The following CELF1 variants were observed in gnomAD, a reference collection of about 807,000 sequenced individuals.
CELF1 encodes CUGBP Elav-like family member 1.
In CELF1, 10 loss-of-function variants were observed where a neutral mutation model predicts 61.8. The ratio of observed to expected loss-of-function variants is 0.16; its 90% CI spans 0.10 to 0.27. CELF1 has a LOEUF of 0.27. Among genes scored for constraint, CELF1 ranks in the 10% least tolerant of loss-of-function variants. The pLI, the probability that CELF1 is intolerant of heterozygous loss-of-function variation, is 1.00. For missense variants in CELF1, 380 were observed against 639.1 expected, an observed-to-expected ratio of 0.59 and a Z score of 4.37; for synonymous variants, 236 against 225.1, an observed-to-expected ratio of 1.05 and a Z score of -0.43.
intron 1 of CELF1, among the ~76,000 whole-genome samples, chr11:47,501,643 C>T (rs2093912864): frequency 6.6e-6 from 1 of 151,844 alleles, no homozygotes; most frequent in South Asian, 2.1e-4. Context: ...AGTGAAACCC[C>T]ATCTCTACTA....
intron 1 of CELF1, among the ~76,000 whole-genome samples, chr11:47,507,445 C>A (rs1200820566): frequency 1.3e-5 from 2 of 151,052 alleles, no homozygotes; most frequent in Admixed American, 1.3e-4. Context: ...CCTAGGGTGG[C>A]GGTGAACCAC....
chr11:47,558,055 C>T (rs1044804122), upstream of CELF1, among the ~76,000 whole-genome samples: 1 of 151,964 alleles, frequency 6.6e-6, no homozygotes, highest in Non-Finnish European at 1.5e-5. Flanking sequence ...CAGGGTTTCA[C>T]CATGTTGGCC....
chr11:47,549,754 C>T (rs1208419379), intron 1 of CELF1, among the ~76,000 whole-genome samples: 1 of 151,566 alleles, frequency 6.6e-6, no homozygotes, highest in East Asian at 1.9e-4. Context: ...TCCAACAGTG[C>T]GAATGTACTT....
intron 1 of CELF1, among the ~76,000 whole-genome samples, chr11:47,507,990 T>C (rs1179738444): frequency 3.9e-5 from 6 of 152,168 alleles, no homozygotes; most frequent in African/African-American, 1.4e-4. Flanking sequence ...GGAACTTCCA[T>C]TTACTAAGTT....
upstream of CELF1, among the ~76,000 whole-genome samples, chr11:47,553,280 C>T (rs181453279): frequency 6.6e-6 from 1 of 152,178 alleles, no homozygotes; most frequent in Non-Finnish European, 1.5e-5. Context: ...GAGCGCCGGG[C>T]GCTGCAGCGC....
chr11:47,528,206 G>A (rs547491631), intron 1 of CELF1, among the ~76,000 whole-genome samples: 27 of 148,756 alleles, frequency 1.8e-4, no homozygotes, highest in Non-Finnish European at 3.1e-4. Flanking sequence ...CTATAAACAC[G>A]TAAAGTATGG....
intron 8 of CELF1, 33 bp from the exon 9 acceptor site, chr11:47,482,889 C>T: frequency 6.3e-7 from 1 of 1,586,770 alleles, no homozygotes. Flanking sequence ...GGGTCAAATT[C>T]CTCCATCTGA....
intron 1 of CELF1, among the ~76,000 whole-genome samples, chr11:47,526,862 C>T (rs1459990267): frequency 6.6e-6 from 1 of 151,946 alleles, no homozygotes; most frequent in Non-Finnish European, 1.5e-5. Flanking sequence ...ACCAGCCTGG[C>T]CAACAAGGTG....
chr11:47,481,102 CTTTTTTTTTT>C lies in CELF1; in HGVS notation c.768+1583_768+1592del, dbSNP rs1187959061. Among the ~76,000 whole-genome samples, 7 of 71,432 alleles carry C rather than the reference CTTTTTTTTTT, an allele frequency of 9.8e-5. No individual in the cohort carries two copies. In the South Asian group the frequency reaches 1.8e-3, roughly 18 times the overall value. The allele number at this position is 71,432 out of a possible 152,430, so 46.9% of individuals were successfully genotyped here. ...TGGGGTTTTTTTTTTTTTTCTTCTT[CTTTTTTTTTT>C]TTTTTTTTTTTTTTTGTGAGACAGA... On this transcript the variant is annotated intron_variant, in intron 9 of 14. Transcript: ENST00000687097.
chr11:47,528,095 C>T (rs1028695033), intron 1 of CELF1, among the ~76,000 whole-genome samples: 3 of 150,822 alleles, frequency 2.0e-5, no homozygotes, highest in African/African-American at 4.9e-5. Flanking sequence ...AAAATCTGTC[C>T]CCCATCCCCC....
At chr11:47,526,944 A>C (rs1374769451) in intron 1 of CELF1, among the ~76,000 whole-genome samples, 2 of 151,860 alleles carry the variant, frequency 1.3e-5, no homozygotes, top group Non-Finnish European at 2.9e-5. Context: ...CCAGCTACTC[A>C]GGAGGCTGAG....
chr11:47,553,258 T>C (rs1448138923), upstream of CELF1: 1 of 377,950 alleles, frequency 2.6e-6, no homozygotes, highest in South Asian at 1.4e-4. Context: ...GAGCGCGGCG[T>C]AGGGGCGGGC....
At chr11:47,516,131 G>A (rs2095539656) in intron 1 of CELF1, among the ~76,000 whole-genome samples, 1 of 149,624 alleles carries the variant, frequency 6.7e-6, no homozygotes, top group Non-Finnish European at 1.5e-5. Flanking sequence ...TTGAACCCAG[G>A]AGGTGAACTG....
At chr11:47,531,778 C>T (rs1369742058) in intron 1 of CELF1, among the ~76,000 whole-genome samples, 1 of 152,160 alleles carries the variant, frequency 6.6e-6, no homozygotes, top group Non-Finnish European at 1.5e-5. Context: ...TCAAAATCAT[C>T]TCCTCTCGTT....
chr11:47,529,453 G>A (rs1339577676), intron 1 of CELF1, among the ~76,000 whole-genome samples: 11 of 152,132 alleles, frequency 7.2e-5, no homozygotes, highest in Admixed American at 5.9e-4. Context: ...TTGCGAGGCC[G>A]AGGCGAGAAG....
At chr11:47,479,010 G>T in intron 9 of CELF1, 58 bp from the exon 10 acceptor site, 1 of 1,402,784 alleles carries the variant, frequency 7.1e-7, no homozygotes, top group Non-Finnish European at 1.0e-6. Context: ...TTCTGCATCT[G>T]GGATAACTCT....
At chr11:47,506,625 T>C (rs1402475818) in intron 1 of CELF1, among the ~76,000 whole-genome samples, 2 of 152,200 alleles carry the variant, frequency 1.3e-5, no homozygotes, top group Non-Finnish European at 2.9e-5. Context: ...CAGCTAGTTT[T>C]AGTGGGAGAT....
intron 4 of CELF1, among the ~76,000 whole-genome samples, chr11:47,487,711 T>G (rs1437583036): frequency 6.6e-6 from 1 of 152,216 alleles, no homozygotes; most frequent in Admixed American, 6.5e-5. Context: ...CAAACATAAT[T>G]ATCACTTATT....
At chr11:47,552,187 A>C (rs1275278321) in intron 1 of CELF1, among the ~76,000 whole-genome samples, 2 of 152,188 alleles carry the variant, frequency 1.3e-5, no homozygotes, top group African/African-American at 2.4e-5. Context: ...CATTTTGCGG[A>C]AACAGATTCC....
Sources: allele counts gnomAD v4.1 joint callset (sites outside exome capture counted in the v4.1 genomes callset), GRCh38; gene constraint gnomAD v4.1.1; transcripts MANE v1.5; gene names NCBI Gene and HGNC (gene_info 2026-07-23, HGNC 2026-07-21).